The following ELMO1 variants were observed in gnomAD, a reference collection of about 807,000 sequenced individuals.
ELMO1 encodes engulfment and cell motility 1, also known as engulfment and cell motility protein 1.
A neutral mutation model predicts 98.9 loss-of-function variants in ELMO1; 26 were observed. The observed-to-expected ratio is 0.26, with a 90% CI of 0.19 to 0.36. The LOEUF is 0.36. Among genes scored for constraint, ELMO1 ranks in the 10% least tolerant of loss-of-function variants. The probability of loss-of-function intolerance (pLI) is 1.00; values close to 1 mark genes in which losing one functional copy is unlikely to be tolerated. For synonymous variants in ELMO1, 346 were observed against 346.0 expected, an observed-to-expected ratio of 1.00 and a Z score of 0.00; for missense variants, 627 against 935.2, an observed-to-expected ratio of 0.67 and a Z score of 4.30.
Position 36,889,388 on chromosome 7 carries a change from TGAAGAACCCTGCACTGAGTG to T in ELMO1, c.1602-1736_1602-1717del, listed in dbSNP as rs540106043. On this transcript the variant is annotated intron_variant, in intron 17 of 21. Transcript: ENST00000310758. ...AAATGGACTCAGTAAATTGCAGCTT[TGAAGAACCCTGCACTGAGTG>T]GAAAAGAAAGTGGGTAACTGCCAGG... Among the ~76,000 whole-genome samples, 1,126 of 152,252 alleles carry T rather than the reference TGAAGAACCCTGCACTGAGTG, an allele frequency of 7.4e-3. 12 individuals carry two copies. Among genetic ancestry groups the T allele is most frequent in the African/African-American group, 0.026 (1,061 of 41,518 alleles).
chr7:37,349,184 C>T (rs1213014513), intron 1 of ELMO1, among the ~76,000 whole-genome samples: 1 of 152,210 alleles, frequency 6.6e-6, no homozygotes, highest in Non-Finnish European at 1.5e-5. Context: ...CTTCCTTCCT[C>T]ACCAGAAAAG....
intron 16 of ELMO1, among the ~76,000 whole-genome samples, chr7:36,951,984 A>ATG (rs2129106180): frequency 6.6e-6 from 1 of 152,326 alleles, no homozygotes; most frequent in African/African-American, 2.4e-5. Flanking sequence ...AAAGACCTCT[A>ATG]TGTGGAAGTC....
intron 6 of ELMO1, among the ~76,000 whole-genome samples, chr7:37,254,305 G>T (rs973553635): frequency 3.3e-5 from 5 of 152,190 alleles, no homozygotes; most frequent in Admixed American, 6.5e-5. Context: ...ATGCAAAAGA[G>T]AATTCACCCA....
At chr7:37,143,711 A>AGTT (rs1787793502) in intron 13 of ELMO1, among the ~76,000 whole-genome samples, 7 of 115,780 alleles carry the variant, frequency 6.0e-5, no homozygotes, top group South Asian at 3.2e-4. Context: ...CAGCCGGTCG[A>AGTT]TTTTTTTTTT....
intron 2 of ELMO1, among the ~76,000 whole-genome samples, chr7:37,326,620 T>C (rs992637153): frequency 2.0e-5 from 3 of 151,972 alleles, no homozygotes; most frequent in Non-Finnish European, 4.4e-5. Context: ...TGATGATTCA[T>C]TTCAAAAAAA....
chr7:37,195,662 C>T (rs1791922445), intron 13 of ELMO1, among the ~76,000 whole-genome samples: 1 of 152,228 alleles, frequency 6.6e-6, no homozygotes, highest in African/African-American at 2.4e-5. Context: ...CCAGAGCTTT[C>T]CTCTCCGAAA....
intron 20 of ELMO1, among the ~76,000 whole-genome samples, chr7:36,867,255 T>C (rs1803105483): frequency 6.6e-6 from 1 of 152,172 alleles, no homozygotes; most frequent in Non-Finnish European, 1.5e-5. Flanking sequence ...GTCATGACAA[T>C]ATGTGAAAAA....
intron 15 of ELMO1, among the ~76,000 whole-genome samples, chr7:37,095,122 A>T (rs532315254): frequency 6.6e-6 from 1 of 152,216 alleles, no homozygotes; most frequent in African/African-American, 2.4e-5. Context: ...AACCAAGGGC[A>T]GTGCAGAGCA....
intron 13 of ELMO1, among the ~76,000 whole-genome samples, chr7:37,194,777 G>T (rs1442884323): frequency 1.3e-5 from 2 of 152,102 alleles, no homozygotes; most frequent in Non-Finnish European, 2.9e-5. Context: ...AAATCTCATG[G>T]AGTCCTCAAA....
At chr7:36,949,258 G>C (rs1312818188) in intron 16 of ELMO1, among the ~76,000 whole-genome samples, 1 of 152,204 alleles carries the variant, frequency 6.6e-6, no homozygotes, top group East Asian at 1.9e-4. Context: ...CACTGAACTG[G>C]AAACGGCACC....
chr7:37,133,352 A>C (rs980975222), intron 13 of ELMO1, 118 bp from the exon 14 acceptor site: 3 of 669,332 alleles, frequency 4.5e-6, no homozygotes, highest in Admixed American at 3.2e-5. Context: ...AAATAATCAA[A>C]CATGATGACA....
rs187123045 is a variant in ELMO1 at position 37,411,282 on chromosome 7, G to A, written c.-74+37393C>T. ...CCCTCTCTTTCATTTACCGCTAGCC[G>A]TTGGTTTCTTCTAGTTTTTCAACAT... is the stretch of plus-strand genomic sequence containing the variant. On this transcript the variant is annotated intron_variant, in intron 1 of 21. Transcript: ENST00000310758. Among the ~76,000 whole-genome samples the A allele has an allele frequency of 2.1e-3, 317 of 152,260 alleles. 1 individual carries two copies. Among genetic ancestry groups the A allele is most frequent in the Non-Finnish European group, 3.6e-3 (247 of 68,010 alleles).
intron 13 of ELMO1, among the ~76,000 whole-genome samples, chr7:37,143,711 A>ATTTTT (rs11407170): frequency 2.6e-5 from 3 of 115,792 alleles, no homozygotes; most frequent in African/African-American, 6.8e-5. Context: ...CAGCCGGTCG[A>ATTTTT]TTTTTTTTTT....
intron 4 of ELMO1, among the ~76,000 whole-genome samples, chr7:37,284,258 T>A (rs1195002292): frequency 6.6e-6 from 1 of 152,146 alleles, no homozygotes; most frequent in Non-Finnish European, 1.5e-5. Flanking sequence ...GGGCCATAGG[T>A]CAGTTCTCTC....
rs1257625408 is a variant in ELMO1 at position 37,246,521 on chromosome 7, A to G, written c.414-2130T>C. ...GCCATCAACAGGACGAAATGGGGGA[A>G]AAAAAATCACAACCATCTGTTATAT... On this transcript the variant is annotated intron_variant, in intron 6 of 21. Coordinates refer to ENST00000310758, the MANE Select transcript of ELMO1 (RefSeq NM_014800.11). Among the ~76,000 whole-genome samples, 8 of 152,180 alleles carry G rather than the reference A, an allele frequency of 5.3e-5. No homozygotes were observed. In the East Asian group the frequency reaches 9.6e-4, roughly 18 times the overall value.
At chr7:37,054,934 A>G (rs1177601070) in intron 15 of ELMO1, among the ~76,000 whole-genome samples, 4 of 152,266 alleles carry the variant, frequency 2.6e-5, no homozygotes, top group African/African-American at 9.6e-5. Context: ...CCAACCATTC[A>G]TGAACATATT....
intron 17 of ELMO1, among the ~76,000 whole-genome samples, chr7:36,894,255 A>G (rs951388108): frequency 5.9e-5 from 9 of 152,228 alleles, no homozygotes; most frequent in African/African-American, 2.2e-4. Flanking sequence ...AATGGTTGCA[A>G]GTGGCATTCC....
chr7:37,224,738 C>T (rs1392203982), intron 9 of ELMO1, 141 bp downstream of exon 9: 58 of 1,222,134 alleles, frequency 4.7e-5, no homozygotes, highest in East Asian at 9.5e-5. Flanking sequence ...CAGTGTGACA[C>T]GTGGTTTGGT....
intron 16 of ELMO1, among the ~76,000 whole-genome samples, chr7:36,924,910 A>AG: frequency 6.6e-6 from 1 of 152,216 alleles, no homozygotes; most frequent in Non-Finnish European, 1.5e-5. Context: ...GAGGAAAAAA[A>AG]GCTGATGACT....
Sources: allele counts gnomAD v4.1 joint callset (sites outside exome capture counted in the v4.1 genomes callset), GRCh38; gene constraint gnomAD v4.1.1; transcripts MANE v1.5; gene names NCBI Gene and HGNC (gene_info 2026-07-23, HGNC 2026-07-21).